The following HCN1 variants were observed in gnomAD, a reference collection of about 807,000 sequenced individuals.
HCN1 encodes potassium/sodium hyperpolarization-activated cyclic nucleotide-gated channel 1.
In HCN1, 13 loss-of-function variants were observed where a neutral mutation model predicts 78.9. That is an observed-to-expected ratio of 0.16 (90% CI 0.11 to 0.26). The LOEUF (loss-of-function observed/expected upper bound fraction) is 0.26, where lower values mean the gene tolerates loss of function less well. Ranked by LOEUF, HCN1 falls within the 10% of genes least tolerant of loss-of-function variation. HCN1 has a pLI of 1.00. For missense variants in HCN1, 810 were observed against 1,154.3 expected (o/e 0.70, Z 4.32); for synonymous variants, 552 against 455.5 (o/e 1.21, Z -2.70).
rs1310235683 is a variant in HCN1 at position 45,374,239 on chromosome 5, T to A, written c.1231-20993A>T. ...TTATGTACATTATATACATAACATA[T>A]ATATTATGTACATTATATACATAAC... On this transcript the variant is annotated intron_variant, in intron 4 of 7. Transcript: ENST00000303230. 2.5e-5 allele frequency among the ~76,000 whole-genome samples: 3 copies of A among 120,062 alleles called. No homozygotes were observed. In the Admixed American group the frequency reaches 2.9e-4, roughly 12 times the overall value. 78.8% of individuals were successfully genotyped at this position (120,062 alleles called of 152,430 possible).
intron 3 of HCN1, among the ~76,000 whole-genome samples, chr5:45,457,813 T>C (rs375715101): frequency 1.3e-5 from 2 of 152,194 alleles, no homozygotes; most frequent in East Asian, 1.9e-4. Flanking sequence ...CAAACTTATA[T>C]TTATAACTAA....
At chr5:45,685,151 T>C (rs1326785205) in intron 1 of HCN1, among the ~76,000 whole-genome samples, 2 of 152,062 alleles carry the variant, frequency 1.3e-5, no homozygotes, top group Non-Finnish European at 2.9e-5. Context: ...CTGTTAAACA[T>C]GACAATAAAA....
intron 4 of HCN1, among the ~76,000 whole-genome samples, chr5:45,371,898 A>ATTAT (rs372297523): frequency 0.3 from 34,019 of 111,748 alleles, 6,871 homozygotes; most frequent in African/African-American, 0.56. Flanking sequence ...TATAATATAC[A>ATTAT]TTATATTATA....
At chr5:45,612,989 G>T (rs552164419) in intron 2 of HCN1, among the ~76,000 whole-genome samples, 2 of 152,100 alleles carry the variant, frequency 1.3e-5, no homozygotes, top group African/African-American at 2.4e-5. Context: ...CAATACAAAC[G>T]TTGGAGGAAG....
intron 5 of HCN1, among the ~76,000 whole-genome samples, chr5:45,320,128 A>G (rs1200321673): frequency 6.6e-6 from 1 of 151,876 alleles, no homozygotes; most frequent in Non-Finnish European, 1.5e-5. Context: ...CTATATTTTT[A>G]GACTATACAG....
intron 3 of HCN1, among the ~76,000 whole-genome samples, chr5:45,426,127 G>C (rs1740342170): frequency 6.6e-6 from 1 of 152,130 alleles, no homozygotes; most frequent in Non-Finnish European, 1.5e-5. Context: ...TTAACTGTTT[G>C]AATAGGCAAA....
At chr5:45,350,131 T>C (rs911329613) in intron 5 of HCN1, among the ~76,000 whole-genome samples, 1 of 152,070 alleles carries the variant, frequency 6.6e-6, no homozygotes, top group Non-Finnish European at 1.5e-5. Context: ...CTCAATAAAA[T>C]ACTGGCAAAC....
chr5:45,361,381 G>T (rs763693939), intron 4 of HCN1, among the ~76,000 whole-genome samples: 3 of 151,920 alleles, frequency 2.0e-5, no homozygotes, highest in Non-Finnish European at 2.9e-5. Flanking sequence ...CACCATGTTG[G>T]TCAGACTGGT....
At chr5:45,325,108 A>T (rs1746211121) in intron 5 of HCN1, among the ~76,000 whole-genome samples, 1 of 151,642 alleles carries the variant, frequency 6.6e-6, no homozygotes, top group Non-Finnish European at 1.5e-5. Context: ...TGCCCCCATT[A>T]TGGCTCTGAG....
intron 2 of HCN1, among the ~76,000 whole-genome samples, chr5:45,515,542 C>T (rs1173247459): frequency 6.6e-6 from 1 of 151,934 alleles, no homozygotes; most frequent in East Asian, 1.9e-4. Context: ...TAAAGAGATA[C>T]CAAATTTATC....
intron 5 of HCN1, among the ~76,000 whole-genome samples, chr5:45,318,069 A>G (rs1033699006): frequency 6.6e-6 from 1 of 152,202 alleles, no homozygotes. Flanking sequence ...TATTGGGTAT[A>G]TACTCAAAGG....
At chr5:45,502,341 C>T (rs114646992) in intron 2 of HCN1, among the ~76,000 whole-genome samples, 2 of 151,428 alleles carry the variant, frequency 1.3e-5, no homozygotes, top group Non-Finnish European at 2.9e-5. Context: ...AAATAGCCAG[C>T]CGTGGTGGTG....
At chr5:45,533,589 C>T (rs1022150992) in intron 2 of HCN1, among the ~76,000 whole-genome samples, 2 of 152,156 alleles carry the variant, frequency 1.3e-5, no homozygotes, top group Non-Finnish European at 2.9e-5. Context: ...CATTAATTTA[C>T]TCCAACATTC....
intron 4 of HCN1, among the ~76,000 whole-genome samples, chr5:45,377,003 C>T (rs765660518): frequency 2.0e-5 from 3 of 151,882 alleles, no homozygotes; most frequent in Non-Finnish European, 4.4e-5. Flanking sequence ...GTTGAGAAAA[C>T]TTGGAATGCT....
chr5:45,346,071 G>A (rs571995683), intron 5 of HCN1, among the ~76,000 whole-genome samples: 24 of 152,248 alleles, frequency 1.6e-4, no homozygotes, highest in Non-Finnish European at 2.9e-4. Context: ...AAGAAGTATC[G>A]ACCAAAAGGG....
At chr5:45,400,837 G>A (rs1401444466) in intron 3 of HCN1, among the ~76,000 whole-genome samples, 1 of 151,884 alleles carries the variant, frequency 6.6e-6, no homozygotes, top group Non-Finnish European at 1.5e-5. Context: ...CTTTCTCCAT[G>A]TTCATATAAT....
chr5:45,305,468 C>G (rs1357590304), intron 5 of HCN1, among the ~76,000 whole-genome samples: 1 of 151,978 alleles, frequency 6.6e-6, no homozygotes, highest in Non-Finnish European at 1.5e-5. Flanking sequence ...GCAGCAAAGA[C>G]AAGAGAAAGA....
intron 3 of HCN1, among the ~76,000 whole-genome samples, chr5:45,420,448 C>T (rs1422647825): frequency 6.6e-6 from 1 of 152,102 alleles, no homozygotes; most frequent in Non-Finnish European, 1.5e-5. Context: ...GTAAGGCTGT[C>T]TCAGGGGAAT....
At chr5:45,357,121 C>T (rs1204559003) in intron 4 of HCN1, among the ~76,000 whole-genome samples, 2 of 151,924 alleles carry the variant, frequency 1.3e-5, no homozygotes, top group East Asian at 3.9e-4. Flanking sequence ...TTACAACATC[C>T]TTGGTTTGGC....
Sources: allele counts gnomAD v4.1 joint callset (sites outside exome capture counted in the v4.1 genomes callset), GRCh38; gene constraint gnomAD v4.1.1; transcripts MANE v1.5; gene names NCBI Gene and HGNC (gene_info 2026-07-23, HGNC 2026-07-21).